The following XKR4 variants were observed in gnomAD, a reference collection of about 807,000 sequenced individuals.
XKR4 encodes XK-related protein 4.
XKR4 carries 12 observed loss-of-function variants against 53.9 expected under a neutral mutation model. The observed-to-expected ratio is 0.22, with a 90% CI of 0.14 to 0.36. The LOEUF is 0.36. XKR4 is among the 10% of genes least tolerant of loss of function. The pLI is 1.00. For synonymous variants in XKR4, 354 were observed against 362.4 expected, an observed-to-expected ratio of 0.98 and a Z score of 0.26; for missense variants, 799 against 859.5, an observed-to-expected ratio of 0.93 and a Z score of 0.88.
chr8:55,132,324 C>T lies in XKR4; in HGVS notation c.806+29030C>T, dbSNP rs569013218. Among the ~76,000 whole-genome samples, 3 of 152,248 alleles carry T rather than the reference C, an allele frequency of 2.0e-5. No homozygotes were observed. In the East Asian group the frequency reaches 5.8e-4, roughly 29 times the overall value. On this transcript the variant is annotated intron_variant, in intron 1 of 2. Transcript: ENST00000327381. ...TTCCAATCCATGTGTATAGTTGTCC[C>T]CCCTTATCCACAAGGAATACACTTG... is the stretch of plus-strand genomic sequence containing the variant.
chr8:55,178,782 T>C (rs1221451262), intron 1 of XKR4, among the ~76,000 whole-genome samples: 1 of 152,222 alleles, frequency 6.6e-6, no homozygotes, highest in East Asian at 1.9e-4. Context: ...CTTCCATCTC[T>C]AACAGTTCTG....
At chr8:55,210,588 G>T (rs1221174149) in intron 1 of XKR4, among the ~76,000 whole-genome samples, 1 of 152,180 alleles carries the variant, frequency 6.6e-6, no homozygotes, top group Non-Finnish European at 1.5e-5. Context: ...AAACTATTTT[G>T]TTTTTCCGTA....
At chr8:55,436,172 A>T (rs985191892) in intron 2 of XKR4, among the ~76,000 whole-genome samples, 2 of 152,174 alleles carry the variant, frequency 1.3e-5, no homozygotes, top group African/African-American at 4.8e-5. Context: ...ATATTCAATG[A>T]GGAACATTTT....
At chr8:55,494,006 C>T (rs73593494) in intron 2 of XKR4, among the ~76,000 whole-genome samples, 7,976 of 152,268 alleles carry the variant, frequency 0.052, 603 homozygotes, top group East Asian at 0.28. Flanking sequence ...TGCTCTGTCC[C>T]ACTGGGCTCA....
At chr8:55,492,633 C>G (rs548794675) in intron 2 of XKR4, among the ~76,000 whole-genome samples, 90 of 152,332 alleles carry the variant, frequency 5.9e-4, no homozygotes, top group African/African-American at 2.1e-3. Context: ...TTCCTGAATG[C>G]AAGATAAACA....
intron 2 of XKR4, among the ~76,000 whole-genome samples, chr8:55,512,666 T>C (rs775703300): frequency 2.6e-5 from 4 of 152,198 alleles, no homozygotes; most frequent in Non-Finnish European, 5.9e-5. Context: ...TAAACATTTA[T>C]GAGAGGAAAG....
chr8:55,279,799 C>T (rs922246770), intron 1 of XKR4, among the ~76,000 whole-genome samples: 3 of 152,072 alleles, frequency 2.0e-5, no homozygotes, highest in Admixed American at 6.6e-5. Flanking sequence ...GTGTTGTTCC[C>T]AGAAAGACAT....
At chr8:55,245,291 A>ATGCATAGTT (rs1282411192) in intron 1 of XKR4, among the ~76,000 whole-genome samples, 1 of 152,064 alleles carries the variant, frequency 6.6e-6, no homozygotes, top group African/African-American at 2.4e-5. Context: ...CCTTTGATGG[A>ATGCATAGTT]TGCATAGTTT....
chr8:55,393,402 A>AGAAGGAAG (rs36208673), intron 2 of XKR4, among the ~76,000 whole-genome samples: 1,713 of 144,876 alleles, frequency 0.012, 18 homozygotes, highest in Admixed American at 0.023. Context: ...ATACTTCTTA[A>AGAAGGAAG]GAAGGAAGGA....
chr8:55,276,110 A>C (rs1308447802), intron 1 of XKR4, among the ~76,000 whole-genome samples: 3 of 152,256 alleles, frequency 2.0e-5, no homozygotes, highest in Non-Finnish European at 4.4e-5. Flanking sequence ...AGAGAGACTG[A>C]AATCGTTATA....
At chr8:55,379,092 T>A (rs1445686644) in intron 2 of XKR4, among the ~76,000 whole-genome samples, 1 of 152,202 alleles carries the variant, frequency 6.6e-6, no homozygotes, top group Non-Finnish European at 1.5e-5. Context: ...TTGGAGCTTC[T>A]TTTTAGAAGG....
chr8:55,269,738 T>C (rs941380037), intron 1 of XKR4, among the ~76,000 whole-genome samples: 2 of 152,168 alleles, frequency 1.3e-5, no homozygotes, highest in African/African-American at 4.8e-5. Flanking sequence ...GCCCAAAAGC[T>C]CAGACTGAGT....
intron 2 of XKR4, among the ~76,000 whole-genome samples, chr8:55,521,179 C>T (rs1487511430): frequency 6.6e-6 from 1 of 152,206 alleles, no homozygotes; most frequent in Non-Finnish European, 1.5e-5. Flanking sequence ...ACAAAGGGAG[C>T]ATAGTCTAGT....
chr8:55,505,355 A>G (rs962789948), intron 2 of XKR4, among the ~76,000 whole-genome samples: 1 of 152,176 alleles, frequency 6.6e-6, no homozygotes, highest in Non-Finnish European at 1.5e-5. Flanking sequence ...AAGCCTGGGC[A>G]ACATAGCAAG....
At chr8:55,264,481 A>T (rs559560935) in intron 1 of XKR4, among the ~76,000 whole-genome samples, 11 of 152,310 alleles carry the variant, frequency 7.2e-5, no homozygotes, top group African/African-American at 2.6e-4. Context: ...CCTGGCTAAC[A>T]TCTGTAGGGT....
At chr8:55,135,529 A>T in intron 1 of XKR4, 1 of 446,296 alleles carries the variant, frequency 2.2e-6, no homozygotes, top group South Asian at 1.6e-5. Flanking sequence ...CTTTTCCCTC[A>T]GTTGATGACA....
rs999990391 is a variant in XKR4, at chr8:55,538,768, C to T, written c.*14541C>T. ...TCACCAGGTGGCGTTCTGAAATCCA[C>T]TACTGGGGAAAGATTTTTAACAGAT... On this transcript the variant is annotated 3_prime_UTR_variant, in exon 3 of 3. Coordinates refer to ENST00000327381, the MANE Select transcript of XKR4 (RefSeq NM_052898.2). 2 of 152,194 alleles carry T rather than the reference C, an allele frequency of 1.3e-5. No homozygotes were observed. The highest frequency in any genetic ancestry group is 2.9e-5 in the Non-Finnish European group (2 of 68,048). 9.4% of individuals were successfully genotyped at this position (152,194 alleles called of 1,614,324 possible).
chr8:55,319,446 A>T (rs1803172999), intron 1 of XKR4, among the ~76,000 whole-genome samples: 1 of 152,224 alleles, frequency 6.6e-6, no homozygotes, highest in Non-Finnish European at 1.5e-5. Flanking sequence ...ATTGAACTCC[A>T]AAAGGTTATT....
chr8:55,492,832 A>T (rs1300076307), intron 2 of XKR4, among the ~76,000 whole-genome samples: 1 of 152,172 alleles, frequency 6.6e-6, no homozygotes, highest in East Asian at 1.9e-4. Context: ...ATTGCTATTC[A>T]GTTGAATTTT....
Sources: gnomAD v4.1 joint callset for allele counts (sites outside exome capture counted in the v4.1 genomes callset) on GRCh38, gnomAD v4.1.1 for gene constraint, MANE v1.5 for transcripts, NCBI Gene and HGNC (gene_info 2026-07-23, HGNC 2026-07-21) for gene names.